Variants in CNTNAP2 observed in about 807,000 individuals in gnomAD.
CNTNAP2 encodes the protein contactin-associated protein-like 2.
In CNTNAP2, 98 loss-of-function variants were observed where a neutral mutation model predicts 155.2. That is an observed-to-expected ratio of 0.63 (90% CI 0.54 to 0.75). The LOEUF is 0.75. Ranked by LOEUF, CNTNAP2 falls within the 30% of genes least tolerant of loss-of-function variation. CNTNAP2 has a pLI of 0.00. For synonymous variants in CNTNAP2, 651 were observed against 631.2 expected (o/e 1.03, Z -0.47); for missense variants, 1,727 against 1,688.1 (o/e 1.02, Z -0.40).
chr7:147,780,373 A>G (rs1301860376), intron 13 of CNTNAP2, among the ~76,000 whole-genome samples: 14 of 152,226 alleles, frequency 9.2e-5, no homozygotes, highest in Admixed American at 2.6e-4. Context: ...TTTTACATTA[A>G]CAAACCAATT....
chr7:146,622,493 A>G (rs985742803), intron 1 of CNTNAP2, among the ~76,000 whole-genome samples: 22 of 151,990 alleles, frequency 1.4e-4, no homozygotes, highest in Admixed American at 6.6e-5. Flanking sequence ...ATAAATTTCT[A>G]TATCTGTGTC....
rs558280797 is a variant in CNTNAP2 at position 147,300,780 on chromosome 7, C to G, written c.1498+490C>G. Among the ~76,000 whole-genome samples, 3 of 152,226 alleles carry G rather than the reference C, an allele frequency of 2.0e-5. No homozygotes were observed. In the South Asian group the frequency reaches 6.2e-4, roughly 32 times the overall value. ...CCTCGTCTGCTTCCGGTAGGTCTCA[C>G]TTACCTGGCTGACAGTTGGTGCTGG... On this transcript the variant is annotated intron_variant, in intron 9 of 23. Transcript: ENST00000361727.
At chr7:147,746,756 G>A (rs1467242518) in intron 13 of CNTNAP2, among the ~76,000 whole-genome samples, 1 of 152,004 alleles carries the variant, frequency 6.6e-6, no homozygotes, top group Non-Finnish European at 1.5e-5. Context: ...TTTTGGTAAG[G>A]GTGAGAGAAC....
At chr7:148,409,867 C>G (rs1281003191) in intron 23 of CNTNAP2, among the ~76,000 whole-genome samples, 1 of 91,614 alleles carries the variant, frequency 1.1e-5, no homozygotes, top group Admixed American at 8.5e-5. Flanking sequence ...TTGGCTAACA[C>G]GGTGAAACCC....
intron 15 of CNTNAP2, among the ~76,000 whole-genome samples, chr7:148,007,282 C>T (rs950104601): frequency 2.8e-5 from 4 of 142,260 alleles, no homozygotes; most frequent in Admixed American, 7.3e-5. Context: ...TGGGGGATTA[C>T]TTCAATTGCC....
At chr7:146,491,447 A>T (rs1797138081) in intron 1 of CNTNAP2, among the ~76,000 whole-genome samples, 1 of 150,962 alleles carries the variant, frequency 6.6e-6, no homozygotes, top group Non-Finnish European at 1.5e-5. Flanking sequence ...AATATATTGT[A>T]TTTTTTTTTC....
intron 3 of CNTNAP2, among the ~76,000 whole-genome samples, chr7:146,969,936 C>T (rs1209063069): frequency 1.3e-5 from 2 of 152,142 alleles, no homozygotes; most frequent in Non-Finnish European, 2.9e-5. Flanking sequence ...CTTTGACAAA[C>T]TTCACAAAAA....
At chr7:147,738,694 G>T (rs2116481717) in intron 13 of CNTNAP2, among the ~76,000 whole-genome samples, 1 of 135,750 alleles carries the variant, frequency 7.4e-6, no homozygotes, top group Admixed American at 8.2e-5. Flanking sequence ...TTGCTCTGTT[G>T]CCCAAACTGG....
chr7:147,519,965 T>C lies in CNTNAP2; in HGVS notation c.1777+33924T>C, dbSNP rs184841996. ...GACCACCCACGAATCATAAAATCTTTAGTAGGACCAGTAGGTTAACATTTT... is the reference window on the plus strand; with the variant it reads ...GACCACCCACGAATCATAAAATCTTCAGTAGGACCAGTAGGTTAACATTTT... On this transcript the variant is annotated intron_variant, in intron 11 of 23. Transcript: ENST00000361727. 2.0e-3 allele frequency among the ~76,000 whole-genome samples: 301 copies of C among 152,352 alleles called. 1 individual carries two copies. Among genetic ancestry groups the C allele is most frequent in the Middle Eastern group, 3.4e-3 (1 of 294 alleles).
rs373881725 is a variant in CNTNAP2, at chr7:146,628,638, G to T, written c.98-145633G>T. On this transcript the variant is annotated intron_variant, in intron 1 of 23. Transcript: ENST00000361727. ...TGTCAATTTTAAAAAATAAAAAAAT[G>T]AAAAAAGAAAACTATGAACCCTTGA... Among the ~76,000 whole-genome samples, 8 of 151,874 alleles carry T rather than the reference G, an allele frequency of 5.3e-5. No homozygotes were observed. The South Asian group carries it at 1.2e-3, about 24-fold the overall frequency.
At chr7:146,178,858 A>G (rs1798509602) in intron 1 of CNTNAP2, among the ~76,000 whole-genome samples, 1 of 152,176 alleles carries the variant, frequency 6.6e-6, no homozygotes, top group Non-Finnish European at 1.5e-5. Flanking sequence ...AAGGCCTGAG[A>G]TAATTTAGCT....
intron 8 of CNTNAP2, among the ~76,000 whole-genome samples, chr7:147,253,655 G>C (rs375639214): frequency 6.0e-4 from 91 of 152,200 alleles, no homozygotes; most frequent in African/African-American, 2.0e-3. Flanking sequence ...TTCCAGTTTG[G>C]GAGGCTCCAA....
chr7:147,583,140 G>A (rs1800540643), intron 12 of CNTNAP2, among the ~76,000 whole-genome samples: 1 of 152,032 alleles, frequency 6.6e-6, no homozygotes. Context: ...GTAGACTGAT[G>A]TATACAACTA....
chr7:147,579,789 A>T (rs1800464515), intron 12 of CNTNAP2, among the ~76,000 whole-genome samples: 1 of 152,170 alleles, frequency 6.6e-6, no homozygotes, highest in Admixed American at 6.5e-5. Flanking sequence ...CATATTGTTT[A>T]GATATATCAT....
chr7:147,598,276 T>C (rs775015449), intron 12 of CNTNAP2, among the ~76,000 whole-genome samples: 1 of 152,052 alleles, frequency 6.6e-6, no homozygotes, highest in Non-Finnish European at 1.5e-5. Context: ...CAACTCGTCA[T>C]CTAGGTTTTA....
At chr7:146,445,330 AAG>A (rs1796387796) in intron 1 of CNTNAP2, among the ~76,000 whole-genome samples, 1 of 152,218 alleles carries the variant, frequency 6.6e-6, no homozygotes, top group South Asian at 2.1e-4. Flanking sequence ...GCTTTGAAAA[AAG>A]AGAAATTTAC....
intron 15 of CNTNAP2, among the ~76,000 whole-genome samples, chr7:148,055,867 G>T (rs1802998312): frequency 6.6e-6 from 1 of 152,090 alleles, no homozygotes; most frequent in Admixed American, 6.6e-5. Context: ...CTTATATTTT[G>T]GTCCCCATGA....
intron 21 of CNTNAP2, among the ~76,000 whole-genome samples, chr7:148,332,426 G>T (rs184782579): frequency 1.3e-5 from 2 of 152,196 alleles, no homozygotes; most frequent in Non-Finnish European, 2.9e-5. Flanking sequence ...AGTTCAGAGA[G>T]AAAGGATCTT....
At chr7:147,815,051 T>C (rs141668984) in intron 13 of CNTNAP2, among the ~76,000 whole-genome samples, 1 of 152,300 alleles carries the variant, frequency 6.6e-6, no homozygotes, top group Non-Finnish European at 1.5e-5. Context: ...GTTCCTCATA[T>C]ACACTGTGAT....
Sources: gnomAD v4.1 joint callset for allele counts (sites outside exome capture counted in the v4.1 genomes callset) on GRCh38, gnomAD v4.1.1 for gene constraint, MANE v1.5 for transcripts, NCBI Gene and HGNC (gene_info 2026-07-23, HGNC 2026-07-21) for gene names.